The following ADH4 variants were observed in gnomAD, a reference collection of about 807,000 sequenced individuals.
ADH4 encodes all-trans-retinol dehydrogenase [NAD(+)] ADH4.
Under a neutral mutation model 35.2 loss-of-function variants are expected in ADH4, and 31 were observed. The observed-to-expected ratio is 0.88, with a 90% CI of 0.66 to 1.19. The LOEUF is 1.19. Ranked by LOEUF, ADH4 falls within the 50% of genes most tolerant of loss-of-function variation. ADH4 has a pLI of 0.00. For missense variants in ADH4, 476 were observed against 458.3 expected, an observed-to-expected ratio of 1.04 and a Z score of -0.35; for synonymous variants, 171 against 160.2, an observed-to-expected ratio of 1.07 and a Z score of -0.51.
At position 99,144,255 on chromosome 4, in the gene ADH4, T is replaced by C. The variant is rs1448092625; in HGVS notation, c.-33A>G. 2 of 1,610,776 alleles carry C rather than the reference T, an allele frequency of 1.2e-6. No homozygotes were observed. The highest frequency in any genetic ancestry group is 2.2e-5 in the South Asian group (2 of 91,000). ...TGGGAAACTGTGTTGGAAGTTTCTT[T>C]CTGAGTTAAGAAAGCTTCAAACTCC... On this transcript the variant is annotated 5_prime_UTR_variant, in exon 1 of 9. Coordinates refer to ENST00000265512, the MANE Select transcript of ADH4 (RefSeq NM_000670.5).
chr4:99,143,258 G>A (rs756589111), intron 1 of ADH4: 1 of 701,178 alleles, frequency 1.4e-6, no homozygotes, highest in Non-Finnish European at 2.6e-6. Flanking sequence ...CATCACTTGG[G>A]AATTTGTTAG....
At chr4:99,133,487 T>C (rs982605393) in intron 5 of ADH4, 3 of 152,202 alleles carry the variant, frequency 2.0e-5, no homozygotes, top group Non-Finnish European at 4.4e-5. Context: ...TAAGTTAAAT[T>C]TTACTAAAGC....
At chr4:99,132,229 T>C (rs187235182) in intron 5 of ADH4, among the ~76,000 whole-genome samples, 1 of 152,334 alleles carries the variant, frequency 6.6e-6, no homozygotes, top group Admixed American at 6.5e-5. Context: ...CATGAAAGCA[T>C]TTTTATTGTC....
chr4:99,126,491 G>A, intron 8 of ADH4, 103 bp downstream of exon 8: 1 of 1,237,898 alleles, frequency 8.1e-7, no homozygotes, highest in Non-Finnish European at 1.1e-6. Flanking sequence ...CTGGGATGTG[G>A]AAAATGTCAG....
At chr4:99,143,672 A>T (rs1729709374) in intron 1 of ADH4, among the ~76,000 whole-genome samples, 1 of 151,674 alleles carries the variant, frequency 6.6e-6, no homozygotes, top group Non-Finnish European at 1.5e-5. Context: ...TTTGAATATT[A>T]TTTATTTTGT....
At position 99,131,500 on chromosome 4, in the gene ADH4, A is replaced by G. The variant is rs755894685; in HGVS notation, c.843+4T>C. The G allele has an allele frequency of 2.6e-5, 42 of 1,611,402 alleles. No homozygotes were observed. Among genetic ancestry groups the G allele is most frequent in the Non-Finnish European group, 3.6e-5 (42 of 1,179,188 alleles). On this transcript the variant is annotated splice_donor_region_variant and intron_variant, in intron 6 of 8. Coordinates refer to ENST00000265512, the MANE Select transcript of ADH4 (RefSeq NM_000670.5). ...AATATGATCCAAGAACAAAATATAC[A>G]TACCATGGTTTCAGATCCACCTGCA...
rs571197929 is a variant in ADH4, at chr4:99,140,724, G to A, written c.262+817C>T. On this transcript the variant is annotated intron_variant, in intron 3 of 8. Coordinates refer to ENST00000265512, the MANE Select transcript of ADH4 (RefSeq NM_000670.5). ...CTCTACTGAAAATACAAAATTAGCCGGGTGTGGTGGCACATGCCTGTAATC... is the reference window on the plus strand; with the variant it reads ...CTCTACTGAAAATACAAAATTAGCCAGGTGTGGTGGCACATGCCTGTAATC... 1.8e-3 allele frequency among the ~76,000 whole-genome samples: 273 copies of A among 150,880 alleles called. 1 individual carries two copies. Among genetic ancestry groups the A allele is most frequent in the African/African-American group, 6.4e-3 (261 of 41,022 alleles).
intron 1 of ADH4, chr4:99,143,192 G>A (rs992960811): frequency 4.4e-5 from 31 of 701,896 alleles, no homozygotes; most frequent in African/African-American, 1.7e-5. Context: ...CTGGAGAATA[G>A]ATGTGTTTTA....
At chr4:99,129,365 G>A (rs969059273) in intron 6 of ADH4, among the ~76,000 whole-genome samples, 22 of 152,186 alleles carry the variant, frequency 1.4e-4, no homozygotes, top group African/African-American at 5.1e-4. Flanking sequence ...TAGATCATCT[G>A]TGTAAGTCAT....
intron 5 of ADH4, among the ~76,000 whole-genome samples, chr4:99,136,216 T>C (rs1244893543): frequency 1.3e-5 from 2 of 152,188 alleles, no homozygotes; most frequent in African/African-American, 4.8e-5. Flanking sequence ...GTTAGTATAG[T>C]ATAAGAACAT....
chr4:99,140,070 G>A (rs892876042), intron 3 of ADH4, among the ~76,000 whole-genome samples: 10 of 152,090 alleles, frequency 6.6e-5, no homozygotes, highest in African/African-American at 2.4e-4. Context: ...TGTAAAATGT[G>A]GAGTAAATAA....
intron 8 of ADH4, among the ~76,000 whole-genome samples, chr4:99,125,017 T>C (rs1194499634): frequency 1.3e-5 from 2 of 152,194 alleles, no homozygotes; most frequent in East Asian, 3.9e-4. Context: ...TATGCATAAA[T>C]GTTTTCTTCA....
At chr4:99,130,008 A>G (rs1729224292) in intron 6 of ADH4, among the ~76,000 whole-genome samples, 1 of 152,206 alleles carries the variant, frequency 6.6e-6, no homozygotes, top group African/African-American at 2.4e-5. Context: ...CATTTCTGGT[A>G]ACTGACTTAA....
intron 5 of ADH4, among the ~76,000 whole-genome samples, chr4:99,134,055 C>T (rs1729363483): frequency 1.3e-5 from 2 of 152,018 alleles, no homozygotes; most frequent in South Asian, 4.1e-4. Context: ...GTGAAATAAG[C>T]CAGGCACAGA....
rs753313922 is a variant in ADH4, at chr4:99,136,646, G to A, written c.402C>T (p.Ser134=). 5.1e-5 allele frequency: 82 copies of A among 1,613,912 alleles called. No individual in the cohort carries two copies. The highest frequency in any genetic ancestry group is 6.4e-5 in the Non-Finnish European group (75 of 1,179,980). ...CTGGTTTTCCTTTGCAGGTAAACCT[G>A]CTGGTTTTGTCTTCCATTAGTTGTT... ...SDQQLMEDKT[S]RFTCKGKPVY... is the part of the protein sequence containing the mutation. Residue 134 remains serine, a synonymous_variant, in exon 5 of 9, where the codon AGC becomes AGT. Coordinates refer to ENST00000265512, the MANE Select transcript of ADH4 (RefSeq NM_000670.5).
chr4:99,124,572 T>C, intron 8 of ADH4, 106 bp from the exon 9 acceptor site: 3 of 665,420 alleles, frequency 4.5e-6, no homozygotes, highest in Non-Finnish European at 5.1e-6. Context: ...TCTTCCTTTA[T>C]AGACATTCAC....
intron 6 of ADH4, among the ~76,000 whole-genome samples, chr4:99,129,336 C>T (rs1729202693): frequency 6.6e-6 from 1 of 151,822 alleles, no homozygotes; most frequent in Non-Finnish European, 1.5e-5. Context: ...TAGGATAAGT[C>T]AGAAGTCCAA....
intron 5 of ADH4, among the ~76,000 whole-genome samples, chr4:99,135,869 G>A (rs17218239): frequency 0.21 from 31,975 of 152,122 alleles, 4,039 homozygotes; most frequent in Non-Finnish European, 0.28. Flanking sequence ...CCTCTTTGAT[G>A]TCTCTCTAGT....
In ADH4 at chr4:99,143,343, G is replaced by A. The variant is rs189992365; in HGVS notation, c.19-563C>T. The A allele has an allele frequency of 7.1e-5, 46 of 646,826 alleles. No individual in the cohort carries two copies. In the African/African-American group the frequency reaches 7.3e-4, roughly 10 times the overall value. 40.1% of individuals were successfully genotyped at this position (646,826 alleles called of 1,614,324 possible). Reference sequence around the variant, plus strand: ...AATATCCCCAGAGAATTCATTAAAAGTCTGAGAAATGAGGCTTACATCATT... The same window carrying A: ...AATATCCCCAGAGAATTCATTAAAAATCTGAGAAATGAGGCTTACATCATT... On this transcript the variant is annotated intron_variant, in intron 1 of 8. Coordinates refer to ENST00000265512, the MANE Select transcript of ADH4 (RefSeq NM_000670.5).
Sources: gnomAD v4.1 joint callset for allele counts (sites outside exome capture counted in the v4.1 genomes callset) on GRCh38, gnomAD v4.1.1 for gene constraint, MANE v1.5 for transcripts, NCBI Gene and HGNC (gene_info 2026-07-23, HGNC 2026-07-21) for gene names.